The following RIMS1 variants were observed in gnomAD, a reference collection of about 807,000 sequenced individuals.
RIMS1 encodes the protein regulating synaptic membrane exocytosis 1, also known as regulating synaptic membrane exocytosis protein 1.
Under a neutral mutation model 214.1 loss-of-function variants are expected in RIMS1, and 83 were observed. The observed-to-expected ratio is 0.39, with a 90% CI of 0.32 to 0.47. The LOEUF is 0.47. RIMS1 is among the 20% of genes least tolerant of loss of function. The pLI, the probability that RIMS1 is intolerant of heterozygous loss-of-function variation, is 0.99. For synonymous variants in RIMS1, 793 were observed against 786.8 expected (o/e 1.01, Z -0.13); for missense variants, 2,050 against 2,161.8 (o/e 0.95, Z 1.03).
chr6:72,294,060 A>AAG (rs1300707154), intron 26 of RIMS1, among the ~76,000 whole-genome samples: 7 of 151,618 alleles, frequency 4.6e-5, no homozygotes, highest in African/African-American at 1.4e-4. Context: ...CTATAAATAA[A>AAG]AGAGACCTGG....
chr6:72,056,235 A>C (rs1826137790), intron 2 of RIMS1, among the ~76,000 whole-genome samples: 1 of 152,066 alleles, frequency 6.6e-6, no homozygotes, highest in South Asian at 2.1e-4. Context: ...CACGAAGAAG[A>C]GAATGACAGA....
At chr6:72,145,266 A>C (rs2042588304) in intron 4 of RIMS1, among the ~76,000 whole-genome samples, 1 of 152,112 alleles carries the variant, frequency 6.6e-6, no homozygotes, top group South Asian at 2.1e-4. Flanking sequence ...GAATTGGGTA[A>C]ATTCCTCTCT....
At chr6:72,226,406 G>C (rs972380657) in intron 6 of RIMS1, among the ~76,000 whole-genome samples, 1 of 151,610 alleles carries the variant, frequency 6.6e-6, no homozygotes, top group African/African-American at 2.4e-5. Flanking sequence ...TCTCAATATC[G>C]ATTACCCTTT....
chr6:71,939,142 A>G (rs1785307884), intron 1 of RIMS1, among the ~76,000 whole-genome samples: 2 of 152,322 alleles, frequency 1.3e-5, no homozygotes, highest in South Asian at 4.1e-4. Flanking sequence ...AATTCTTTGC[A>G]ACTATATAAC....
At chr6:72,392,212 T>C (rs2815739) in intron 30 of RIMS1, among the ~76,000 whole-genome samples, 30,622 of 152,160 alleles carry the variant, frequency 0.2, 3,369 homozygotes, top group South Asian at 0.29. Context: ...TTAATTTCCA[T>C]TGGAACCAAA....
At chr6:72,087,793 C>T (rs1174813111) in intron 2 of RIMS1, among the ~76,000 whole-genome samples, 3 of 152,150 alleles carry the variant, frequency 2.0e-5, no homozygotes, top group Non-Finnish European at 4.4e-5. Context: ...AATACTTTAG[C>T]ATATTTATCC....
intron 1 of RIMS1, among the ~76,000 whole-genome samples, chr6:71,953,959 G>T (rs1338081947): frequency 6.6e-6 from 1 of 152,168 alleles, no homozygotes; most frequent in East Asian, 1.9e-4. Flanking sequence ...GCCTTTAGAA[G>T]AGTTAAACAG....
chr6:72,233,716 G>A, intron 6 of RIMS1, 57 bp from the exon 7 acceptor site: 1 of 1,253,686 alleles, frequency 8.0e-7, no homozygotes, highest in African/African-American at 1.5e-5. Flanking sequence ...AAAGCTTAAA[G>A]TGATACACTC....
At chr6:72,066,229 GA>G (rs1240045873) in intron 2 of RIMS1, among the ~76,000 whole-genome samples, 3 of 152,082 alleles carry the variant, frequency 2.0e-5, no homozygotes, top group Non-Finnish European at 4.4e-5. Flanking sequence ...AGTTAGCCGA[GA>G]AAAAAATATT....
chr6:72,099,583 G>A (rs1290227540), intron 3 of RIMS1, among the ~76,000 whole-genome samples: 1 of 151,714 alleles, frequency 6.6e-6, no homozygotes, highest in Admixed American at 6.6e-5. Flanking sequence ...ACAATAATTT[G>A]ACAAAATTAT....
chr6:72,337,906 C>A (rs1159016408), intron 29 of RIMS1, among the ~76,000 whole-genome samples: 1 of 151,716 alleles, frequency 6.6e-6, no homozygotes, highest in South Asian at 2.1e-4. Flanking sequence ...CATGTCCATA[C>A]AAAGGATAAG....
intron 4 of RIMS1, among the ~76,000 whole-genome samples, chr6:72,120,717 A>G (rs2038099041): frequency 6.6e-6 from 1 of 151,874 alleles, no homozygotes; most frequent in South Asian, 2.1e-4. Flanking sequence ...TTAGTCATGA[A>G]GTCCTTGCCC....
intron 22 of RIMS1, among the ~76,000 whole-genome samples, chr6:72,271,269 GAAAAAAA>G (rs1159251437): frequency 3.4e-4 from 18 of 52,782 alleles, no homozygotes; most frequent in African/African-American, 8.3e-4. Flanking sequence ...CCATCTCAAG[GAAAAAAA>G]AAAAAAAAAA....
intron 4 of RIMS1, among the ~76,000 whole-genome samples, chr6:72,151,266 TCTC>T (rs2043539831): frequency 6.6e-6 from 1 of 151,972 alleles, no homozygotes; most frequent in Non-Finnish European, 1.5e-5. Context: ...ATGGTCTCGA[TCTC>T]CTGACCTCGT....
chr6:72,189,073 T>A (rs2049612352), intron 6 of RIMS1, among the ~76,000 whole-genome samples: 2 of 152,124 alleles, frequency 1.3e-5, no homozygotes, highest in African/African-American at 4.8e-5. Context: ...GAAGCAAAAA[T>A]TTTGCTAGTG....
At chr6:72,188,090 G>A (rs186047130) in intron 6 of RIMS1, among the ~76,000 whole-genome samples, 5 of 152,284 alleles carry the variant, frequency 3.3e-5, no homozygotes, top group Admixed American at 6.5e-5. Context: ...TATTCTGGCC[G>A]TGCTGGGAAC....
chr6:72,339,136 A>G (rs1376469918), intron 29 of RIMS1, among the ~76,000 whole-genome samples: 2 of 151,836 alleles, frequency 1.3e-5, no homozygotes, highest in Non-Finnish European at 2.9e-5. Context: ...ACGGAAGCAC[A>G]GGAAAGGACG....
chr6:72,181,676 A>G (rs72940790), intron 5 of RIMS1, among the ~76,000 whole-genome samples: 7,875 of 152,336 alleles, frequency 0.052, 286 homozygotes, highest in Middle Eastern at 0.099. Context: ...GAAGTACAGA[A>G]GCAGGAAGAG....
chr6:72,366,674 G>C (rs1255633577), intron 29 of RIMS1: 1 of 982,114 alleles, frequency 1.0e-6, no homozygotes, highest in Non-Finnish European at 1.2e-6. Flanking sequence ...ATGAGAAGGA[G>C]AGAGTGTCGG....
Sources: allele counts gnomAD v4.1 joint callset (sites outside exome capture counted in the v4.1 genomes callset), GRCh38; gene constraint gnomAD v4.1.1; transcripts MANE v1.5; gene names NCBI Gene and HGNC (gene_info 2026-07-23, HGNC 2026-07-21).